The following PIP4K2A variants were observed in gnomAD, a reference collection of about 807,000 sequenced individuals.
The protein encoded by PIP4K2A is phosphatidylinositol 5-phosphate 4-kinase type-2 alpha.
In PIP4K2A, 14 loss-of-function variants were observed where a neutral mutation model predicts 42.9. The ratio of observed to expected loss-of-function variants is 0.33; its 90% CI spans 0.22 to 0.51. The LOEUF is 0.51. Among genes scored for constraint, PIP4K2A ranks in the 20% least tolerant of loss-of-function variants. The probability of loss-of-function intolerance (pLI) is 0.97; values close to 1 mark genes in which losing one functional copy is unlikely to be tolerated. For synonymous variants in PIP4K2A, 192 were observed against 192.2 expected, an observed-to-expected ratio of 1.00 and a Z score of 0.01; for missense variants, 434 against 519.8, an observed-to-expected ratio of 0.83 and a Z score of 1.61.
At chr10:22,557,400 C>A (rs1474362414) in intron 6 of PIP4K2A, among the ~76,000 whole-genome samples, 1 of 152,172 alleles carries the variant, frequency 6.6e-6, no homozygotes, top group Non-Finnish European at 1.5e-5. Context: ...AGAACTTTTG[C>A]AGAATCTCTA....
intron 4 of PIP4K2A, among the ~76,000 whole-genome samples, chr10:22,591,183 C>T (rs555310365): frequency 7.2e-5 from 11 of 152,332 alleles, no homozygotes; most frequent in Admixed American, 3.9e-4. Context: ...GAGCTTGCTC[C>T]GTAGCAGATT....
At chr10:22,560,833 C>G (rs969670736) in intron 6 of PIP4K2A, among the ~76,000 whole-genome samples, 3 of 152,150 alleles carry the variant, frequency 2.0e-5, no homozygotes, top group Non-Finnish European at 4.4e-5. Context: ...TTGTGTAAAT[C>G]CCCAGGACTC....
At chr10:22,615,216 C>T (rs1339156379) in intron 1 of PIP4K2A, among the ~76,000 whole-genome samples, 3 of 152,156 alleles carry the variant, frequency 2.0e-5, no homozygotes, top group Non-Finnish European at 4.4e-5. Context: ...AAGCAGTCCT[C>T]CTGCCTCAGT....
chr10:22,714,029 C>G, intron 1 of PIP4K2A, 154 bp downstream of exon 1: 1 of 752,450 alleles, frequency 1.3e-6, no homozygotes, highest in South Asian at 1.9e-5. Context: ...GGGGCACGCG[C>G]CGCGGGGCTG....
chr10:22,705,605 T>A (rs919924161), intron 1 of PIP4K2A, among the ~76,000 whole-genome samples: 4 of 151,892 alleles, frequency 2.6e-5, no homozygotes, highest in African/African-American at 9.7e-5. Context: ...ACCAAAGATT[T>A]ACCCTGATGG....
intron 1 of PIP4K2A, among the ~76,000 whole-genome samples, chr10:22,656,687 T>C (rs981278349): frequency 8.6e-5 from 13 of 151,776 alleles, no homozygotes; most frequent in Non-Finnish European, 1.3e-4. Flanking sequence ...ATCCCAGCTA[T>C]TCAGGAGGCT....
intron 4 of PIP4K2A, among the ~76,000 whole-genome samples, chr10:22,582,863 T>C (rs576000910): frequency 3.0e-4 from 39 of 130,140 alleles, no homozygotes; most frequent in African/African-American, 1.1e-3. Flanking sequence ...TGTCAGTTAA[T>C]ATAATTTGAT....
chr10:22,587,083 G>A lies in PIP4K2A; in HGVS notation c.492+4546C>T, dbSNP rs180897076. Among the ~76,000 whole-genome samples, 47 of 152,300 alleles carry A rather than the reference G, an allele frequency of 3.1e-4. No homozygotes were observed. The East Asian group carries it at 8.9e-3, about 29-fold the overall frequency. On this transcript the variant is annotated intron_variant, in intron 4 of 9. Transcript: ENST00000376573. Reference sequence around the variant, plus strand: ...ATCCCAGATTGCTGGGAAGGTCAGTGTGTCAGAAAATTAAACCTAGGAAGA... The same window carrying A: ...ATCCCAGATTGCTGGGAAGGTCAGTATGTCAGAAAATTAAACCTAGGAAGA...
At chr10:22,597,317 G>A (rs904979231) in intron 3 of PIP4K2A, among the ~76,000 whole-genome samples, 2 of 152,178 alleles carry the variant, frequency 1.3e-5, no homozygotes, top group Non-Finnish European at 2.9e-5. Flanking sequence ...GGCTGAAGGA[G>A]GACCAGCACT....
intron 1 of PIP4K2A, among the ~76,000 whole-genome samples, chr10:22,675,209 TAGTAGCA>T (rs1839534799): frequency 6.6e-6 from 1 of 152,190 alleles, no homozygotes. Flanking sequence ...AGAGTGGAGA[TAGTAGCA>T]AGCAAATGAA....
rs1762996903 is a variant in PIP4K2A, at chr10:22,536,536, C to T, written c.*665G>A. ...CCCTGAACCAGTACACACGGAGACG[C>T]CAGCATTCTTCCGTCCAGTGCTGGG... On this transcript the variant is annotated 3_prime_UTR_variant, in exon 10 of 10. Coordinates refer to ENST00000376573, the MANE Select transcript of PIP4K2A (RefSeq NM_005028.5). The T allele has an allele frequency of 6.1e-6, 1 of 164,684 alleles. No individual in the cohort carries two copies. 10.2% of individuals were successfully genotyped at this position (164,684 alleles called of 1,614,324 possible).
chr10:22,548,720 G>A (rs112547493), intron 7 of PIP4K2A, among the ~76,000 whole-genome samples: 4 of 152,246 alleles, frequency 2.6e-5, no homozygotes, highest in African/African-American at 9.6e-5. Context: ...GAAGAGAAAA[G>A]CAAACACTTG....
intron 6 of PIP4K2A, among the ~76,000 whole-genome samples, chr10:22,559,151 T>A (rs1836623446): frequency 6.6e-6 from 1 of 152,058 alleles, no homozygotes; most frequent in Non-Finnish European, 1.5e-5. Flanking sequence ...ACTCAAGGAG[T>A]TTGCTAACTC....
rs932068009 is a variant in PIP4K2A at position 22,591,736 on chromosome 10, G to A, written c.385C>T (p.Arg129Cys). ...GAAGTGTGAAAACGAGCTCCACTGCGGGCCTGGGAGTCGTTGGGGAGGGGT... is the reference window on the plus strand; with the variant it reads ...GAAGTGTGAAAACGAGCTCCACTGCAGGCCTGGGAGTCGTTGGGGAGGGGT... The part of the protein sequence containing the change: ...SAPLPNDSQA[R>C]SGARFHTSYD... Residue 129 changes from arginine to cysteine, a missense_variant, in exon 4 of 10, where the codon CGC (arginine) becomes TGC (cysteine). By Grantham distance (180) the Arg-to-Cys change is radical. This residue lies in a region of PIP4K2A where 395 missense variants were observed against 444.5 expected (regional missense o/e 0.89). Coordinates refer to ENST00000376573, the MANE Select transcript of PIP4K2A (RefSeq NM_005028.5). The A allele has an allele frequency of 4.3e-6, 7 of 1,613,132 alleles. No individual in the cohort carries two copies. Among genetic ancestry groups the A allele is most frequent in the Non-Finnish European group, 5.9e-6 (7 of 1,179,498 alleles).
intron 1 of PIP4K2A, among the ~76,000 whole-genome samples, chr10:22,699,567 A>G (rs1252698349): frequency 6.6e-6 from 1 of 152,098 alleles, no homozygotes; most frequent in East Asian, 1.9e-4. Flanking sequence ...GGGCCGACAA[A>G]TAAATTAATG....
intron 3 of PIP4K2A, 177 bp downstream of exon 3, chr10:22,607,750 G>A: frequency 2.0e-6 from 1 of 504,378 alleles, no homozygotes; most frequent in Admixed American, 3.4e-5. Context: ...TATGTATAGA[G>A]GTCCCCAATC....
In PIP4K2A at chr10:22,545,830, G is replaced by A. The variant is rs1050430653; in HGVS notation, c.793-3783C>T. Among the ~76,000 whole-genome samples the A allele has an allele frequency of 7.9e-5, 12 of 152,132 alleles. No homozygotes were observed. In the East Asian group the frequency reaches 1.4e-3, roughly 17 times the overall value. The stretch of plus-strand genomic sequence containing the variant: ...AGCAATCCTCCTGCCTCACCCTCCC[G>A]AGGAGCTGGATTACAGAGGTGCACC... On this transcript the variant is annotated intron_variant, in intron 7 of 9. Coordinates refer to ENST00000376573, the MANE Select transcript of PIP4K2A (RefSeq NM_005028.5).
chr10:22,701,532 C>T (rs1424259936), intron 1 of PIP4K2A, among the ~76,000 whole-genome samples: 1 of 152,206 alleles, frequency 6.6e-6, no homozygotes, highest in Non-Finnish European at 1.5e-5. Context: ...GTCCCACCTC[C>T]TGTCCCACTG....
intron 1 of PIP4K2A, among the ~76,000 whole-genome samples, chr10:22,623,267 G>C (rs76813502): frequency 0.023 from 3,502 of 152,170 alleles, 72 homozygotes; most frequent in Non-Finnish European, 0.034. Flanking sequence ...TCTGGGGTCG[G>C]GGGTGAAGCT....
Sources: allele counts gnomAD v4.1 joint callset (sites outside exome capture counted in the v4.1 genomes callset), GRCh38; gene constraint gnomAD v4.1.1; regional missense constraint gnomAD v4.1.1; transcripts MANE v1.5; gene names NCBI Gene and HGNC (gene_info 2026-07-23, HGNC 2026-07-21).